The following HDLBP variants were observed in gnomAD, a reference collection of about 807,000 sequenced individuals.
The protein encoded by HDLBP is vigilin.
Under a neutral mutation model 137.3 loss-of-function variants are expected in HDLBP, and 30 were observed. The ratio of observed to expected loss-of-function variants is 0.22; its 90% CI spans 0.16 to 0.30. The LOEUF (loss-of-function observed/expected upper bound fraction) is 0.30, where lower values mean the gene tolerates loss of function less well. HDLBP is among the 10% of genes least tolerant of loss of function. The probability of loss-of-function intolerance (pLI) is 1.00; values close to 1 mark genes in which losing one functional copy is unlikely to be tolerated. For synonymous variants in HDLBP, 606 were observed against 596.0 expected (o/e 1.02, Z -0.24); for missense variants, 1,119 against 1,667.3 (o/e 0.67, Z 5.73).
At position 241,230,515 on chromosome 2, in the gene HDLBP, A is replaced by G. The variant is rs1464316007; in HGVS notation, c.3474+244T>C. 6.6e-6 allele frequency among the ~76,000 whole-genome samples: 1 copy of G among 152,204 alleles called. No individual in the cohort carries two copies. Among genetic ancestry groups the G allele is most frequent in the Non-Finnish European group, 1.5e-5 (1 of 68,032 alleles). On this transcript the variant is annotated intron_variant, in intron 25 of 27. Coordinates refer to ENST00000310931, the MANE Select transcript of HDLBP (RefSeq NM_005336.6). The surrounding 1 kb of genome is among the most constrained non-coding windows in gnomAD (Gnocchi z 5.0). The stretch of plus-strand genomic sequence containing the variant: ...GCTCTTGCATGAAATTCCCACCCAC[A>G]GAGGACGAGCTCGCCAGGCAGCTGT...
At chr2:241,296,412 AG>A (rs1435875842) in intron 1 of HDLBP, among the ~76,000 whole-genome samples, 1 of 152,230 alleles carries the variant, frequency 6.6e-6, no homozygotes, top group African/African-American at 2.4e-5. Flanking sequence ...AAGATTAAGG[AG>A]GAAAACCTGT....
chr2:241,237,655 G>T (rs925678300), intron 20 of HDLBP, among the ~76,000 whole-genome samples: 1 of 152,130 alleles, frequency 6.6e-6, no homozygotes, highest in Non-Finnish European at 1.5e-5. Flanking sequence ...TTATGTAAGA[G>T]AATGTCCTTG....
At chr2:241,258,654 AAGC>A (rs1162734163) in intron 5 of HDLBP, among the ~76,000 whole-genome samples, 3 of 152,264 alleles carry the variant, frequency 2.0e-5, no homozygotes, top group Non-Finnish European at 2.9e-5. Context: ...ACACATTTAC[AAGC>A]AGCAGAAGAA....
At chr2:241,254,685 C>T (rs1452539426) in intron 9 of HDLBP, among the ~76,000 whole-genome samples, 1 of 152,074 alleles carries the variant, frequency 6.6e-6, no homozygotes, top group African/African-American at 2.4e-5. Context: ...GGGGTTTCAC[C>T]ATGTTAGCCA....
At chr2:241,254,897 CG>C (rs1403523239) in intron 9 of HDLBP, among the ~76,000 whole-genome samples, 153 bp downstream of exon 9, 3 of 152,256 alleles carry the variant, frequency 2.0e-5, no homozygotes, top group East Asian at 3.9e-4. Context: ...TAAGCTAACA[CG>C]GAAGTTGACC....
chr2:241,299,002 C>T (rs1454171226), intron 1 of HDLBP, among the ~76,000 whole-genome samples: 2 of 152,184 alleles, frequency 1.3e-5, no homozygotes, highest in Admixed American at 6.5e-5. Context: ...GCAACGCATT[C>T]ATGTTGATTT....
At chr2:241,269,349 G>C (rs529703915) in intron 1 of HDLBP, 1 of 152,390 alleles carries the variant, frequency 6.6e-6, no homozygotes, top group Admixed American at 6.5e-5. Flanking sequence ...AACTGGAGAA[G>C]ACTACTCGTA....
At chr2:241,307,084 G>T (rs1009924417) in intron 1 of HDLBP, among the ~76,000 whole-genome samples, 5 of 122,240 alleles carry the variant, frequency 4.1e-5, no homozygotes, top group African/African-American at 1.2e-4. Flanking sequence ...GGGGCGGGGG[G>T]GACAGGGGGG....
Position 241,272,026 on chromosome 2 carries a change from G to C in HDLBP, c.-102-3485C>G. 1 of 234,174 alleles carries C rather than the reference G, an allele frequency of 4.3e-6. No homozygotes were observed. Among genetic ancestry groups the C allele is most frequent in the Non-Finnish European group, 7.0e-6 (1 of 143,064 alleles). The allele number at this position is 234,174 out of a possible 1,614,324, so 14.5% of individuals were successfully genotyped here. A position where few individuals can be genotyped will look rare whatever the true frequency, so the allele number is the denominator to read the frequency against. ...GCCCGCGGGCGGGGACAGGCTTAAA[G>C]GGACAGCAACCCCTCGGCCTCCCCG... On this transcript the variant is annotated intron_variant, in intron 1 of 27. Coordinates refer to ENST00000310931, the MANE Select transcript of HDLBP (RefSeq NM_005336.6). The surrounding 1 kb of genome is among the most constrained non-coding windows in gnomAD (Gnocchi z 5.6).
intron 1 of HDLBP, among the ~76,000 whole-genome samples, chr2:241,307,065 C>A (rs1300428865): frequency 1.4e-5 from 1 of 70,176 alleles, no homozygotes; most frequent in Non-Finnish European, 2.5e-5. Context: ...ATTTTTGTTT[C>A]TTTTTTGGGG....
chr2:241,285,910 G>A (rs62186399), intron 1 of HDLBP, among the ~76,000 whole-genome samples: 10 of 152,174 alleles, frequency 6.6e-5, no homozygotes, highest in Admixed American at 2.6e-4. Flanking sequence ...TGTAATCCTA[G>A]TTACTCAGGA....
intron 1 of HDLBP, among the ~76,000 whole-genome samples, chr2:241,291,477 C>T (rs975669831): frequency 6.6e-6 from 1 of 152,054 alleles, no homozygotes; most frequent in African/African-American, 2.4e-5. Context: ...GTTTATAGTA[C>T]TAGGGGGAAA....
chr2:241,272,238 C>T lies in HDLBP; in HGVS notation c.-102-3697G>A. ...CCGCCGCCCGGTCTGCGCCCAGACCCCCGCCCCGCCGCCACCTGGGGGGAA... is the reference window on the plus strand; with the variant it reads ...CCGCCGCCCGGTCTGCGCCCAGACCTCCGCCCCGCCGCCACCTGGGGGGAA... On this transcript the variant is annotated intron_variant, in intron 1 of 27. Coordinates refer to ENST00000310931, the MANE Select transcript of HDLBP (RefSeq NM_005336.6). The surrounding 1 kb of genome is among the most constrained non-coding windows in gnomAD (Gnocchi z 5.6). The T allele has an allele frequency of 2.1e-6, 2 of 965,366 alleles. No homozygotes were observed. The highest frequency in any genetic ancestry group is 2.5e-6 in the Non-Finnish European group (2 of 811,690). 59.8% of individuals were successfully genotyped at this position (965,366 alleles called of 1,614,324 possible).
chr2:241,296,578 C>G (rs2075189888), intron 1 of HDLBP, among the ~76,000 whole-genome samples: 1 of 152,128 alleles, frequency 6.6e-6, no homozygotes, highest in African/African-American at 2.4e-5. Flanking sequence ...TGGAAAACAT[C>G]TGAATAGGTT....
intron 1 of HDLBP, among the ~76,000 whole-genome samples, chr2:241,277,727 C>T (rs929536635): frequency 5.3e-5 from 8 of 151,994 alleles, no homozygotes; most frequent in Non-Finnish European, 8.8e-5. Context: ...TTTGGGAGGC[C>T]GAGGCGGGCG....
intron 1 of HDLBP, among the ~76,000 whole-genome samples, chr2:241,307,863 C>A (rs1015928675): frequency 6.6e-6 from 1 of 151,572 alleles, no homozygotes; most frequent in African/African-American, 2.4e-5. Context: ...ACTGATAGGA[C>A]CCTTGAACTA....
chr2:241,279,862 C>A (rs1040370276), intron 1 of HDLBP: 1 of 963,854 alleles, frequency 1.0e-6, no homozygotes, highest in Non-Finnish European at 1.2e-6. Context: ...TTTTTAAGAA[C>A]CTAATTGTCA....
chr2:241,256,324 C>T lies in HDLBP; in HGVS notation c.733G>A (p.Val245Ile). 6.2e-7 allele frequency: 1 copy of T among 1,614,114 alleles called. No individual in the cohort carries two copies. The highest frequency in any genetic ancestry group is 8.5e-7 in the Non-Finnish European group (1 of 1,180,016). ...PFIAGPYNRL[V>I]GEIMQETGTR... ...CCTGTCTCCTGCATGATCTCGCCAACCAGTCTATTATACGGCCCAGCGATG... is the reference window on the plus strand; with the variant it reads ...CCTGTCTCCTGCATGATCTCGCCAATCAGTCTATTATACGGCCCAGCGATG... The change falls in exon 7 of 28, where the codon GTT (valine) becomes ATT (isoleucine). Residue 245 changes from valine to isoleucine, a missense_variant. This residue lies in a region of HDLBP where 425 missense variants were observed against 693.9 expected (regional missense o/e 0.61). Coordinates refer to ENST00000310931, the MANE Select transcript of HDLBP (RefSeq NM_005336.6).
At chr2:241,242,146 T>C (rs2071300541) in intron 17 of HDLBP, among the ~76,000 whole-genome samples, 1 of 152,214 alleles carries the variant, frequency 6.6e-6, no homozygotes, top group South Asian at 2.1e-4. Context: ...TGTGGTCACA[T>C]GACTGCATGT....
Sources: gnomAD v4.1 joint callset for allele counts (sites outside exome capture counted in the v4.1 genomes callset) on GRCh38, gnomAD v4.1.1 for gene constraint, gnomAD v4.1.1 regional missense constraint, Gnocchi (gnomAD v3.1) non-coding constraint, MANE v1.5 for transcripts, NCBI Gene and HGNC (gene_info 2026-07-23, HGNC 2026-07-21) for gene names.